UBAC2: variants seen among roughly 807,000 people sequenced by gnomAD.
UBAC2 encodes UBA domain containing 2.
A neutral mutation model predicts 44.0 loss-of-function variants in UBAC2; 26 were observed. The ratio of observed to expected loss-of-function variants is 0.59; its 90% CI spans 0.43 to 0.82. The LOEUF (loss-of-function observed/expected upper bound fraction) is 0.82. UBAC2 is among the 40% of genes least tolerant of loss of function. The pLI, the probability that UBAC2 is intolerant of heterozygous loss-of-function variation, is 0.00. For missense variants in UBAC2, 329 were observed against 419.4 expected (o/e 0.78, Z 1.88); for synonymous variants, 155 against 154.3 (o/e 1.00, Z -0.04).
chr13:99,203,753 T>C (rs996329162), intron 1 of UBAC2, among the ~76,000 whole-genome samples: 1 of 152,158 alleles, frequency 6.6e-6, no homozygotes, highest in Non-Finnish European at 1.5e-5. Context: ...AGGACCACTT[T>C]AGCATGCATG....
At chr13:99,230,782 G>T (rs570431469) in intron 1 of UBAC2, among the ~76,000 whole-genome samples, 666 of 152,228 alleles carry the variant, frequency 4.4e-3, no homozygotes, top group Non-Finnish European at 8.4e-3. Flanking sequence ...CGGTTGCAGC[G>T]GCTCACGCTT....
chr13:99,287,058 G>A (rs2044027675), intron 4 of UBAC2, among the ~76,000 whole-genome samples: 1 of 152,088 alleles, frequency 6.6e-6, no homozygotes, highest in African/African-American at 2.4e-5. Flanking sequence ...AGAGAGAATG[G>A]TATAATGACT....
chr13:99,342,677 T>G (rs1458762182), intron 7 of UBAC2, among the ~76,000 whole-genome samples: 3 of 152,206 alleles, frequency 2.0e-5, no homozygotes, highest in Non-Finnish European at 4.4e-5. Flanking sequence ...TTTTCTGTGG[T>G]GGATGCCCGT....
Position 99,308,063 on chromosome 13 carries a change from G to A in UBAC2, c.390-6034G>A, listed in dbSNP as rs147736177. On this transcript the variant is annotated intron_variant, in intron 4 of 8. Transcript: ENST00000403766. ...AGCCTCTTCAGCACAGGGTGAAAGA[G>A]ACTCATGCCATTCACCTCATAGTTG... 4 of 152,350 alleles carry A rather than the reference G, an allele frequency of 2.6e-5. No homozygotes were observed. The East Asian group carries it at 7.7e-4, about 29-fold the overall frequency. The allele number at this position is 152,350 out of a possible 1,614,324, so 9.4% of individuals were successfully genotyped here.
intron 4 of UBAC2, chr13:99,308,122 G>A (rs1385750868): frequency 6.6e-6 from 1 of 152,266 alleles, no homozygotes; most frequent in Non-Finnish European, 1.5e-5. Flanking sequence ...TAACGTGTCT[G>A]TCAGAATGCA....
intron 2 of UBAC2, among the ~76,000 whole-genome samples, chr13:99,239,150 G>T (rs1468236971): frequency 2.6e-5 from 4 of 152,162 alleles, no homozygotes; most frequent in Non-Finnish European, 4.4e-5. Flanking sequence ...TAAGCACTTG[G>T]TTAGCCCATT....
chr13:99,305,719 C>T (rs1289777076), intron 4 of UBAC2, among the ~76,000 whole-genome samples: 1 of 152,100 alleles, frequency 6.6e-6, no homozygotes, highest in Admixed American at 6.5e-5. Context: ...GTCACTAACG[C>T]GATACATAAA....
At chr13:99,244,481 A>C in intron 3 of UBAC2, 34 bp from the exon 4 acceptor site, 2 of 1,436,480 alleles carry the variant, frequency 1.4e-6, no homozygotes, top group Non-Finnish European at 2.0e-6. Context: ...TAGGAGACTC[A>C]TCTCTATCAT....
At chr13:99,276,926 G>A (rs1168926796) in intron 4 of UBAC2, among the ~76,000 whole-genome samples, 1 of 152,160 alleles carries the variant, frequency 6.6e-6, no homozygotes, top group East Asian at 1.9e-4. Context: ...TGGCTGTGCA[G>A]TGCTCTGCCT....
Position 99,367,827 on chromosome 13 carries a change from G to A in UBAC2, c.848G>A (p.Arg283His), listed in dbSNP as rs371781090. The change falls in exon 8 of 9, where the codon CGT becomes CAT. Residue 283 changes from arginine (R) to histidine (H), a missense_variant. Coordinates refer to ENST00000403766, the MANE Select transcript of UBAC2 (RefSeq NM_001144072.2). ...TGGAATCGTCTTTTTCCTCCTTTAC[G>A]TCAGCGACAAAACGTAAACTATCAG... is the stretch of plus-strand genomic sequence containing the variant. Reference protein sequence around the residue: ...INWNRLFPPLRQRQNVNYQGG... With the variant: ...INWNRLFPPLHQRQNVNYQGG... 78 of 1,613,652 alleles carry A rather than the reference G, an allele frequency of 4.8e-5. No homozygotes were observed. Among genetic ancestry groups the A allele is most frequent in the Middle Eastern group, 1.6e-4 (1 of 6,074 alleles).
At chr13:99,222,102 T>C (rs2142688257) in intron 1 of UBAC2, among the ~76,000 whole-genome samples, 1 of 152,344 alleles carries the variant, frequency 6.6e-6, no homozygotes, top group Non-Finnish European at 1.5e-5. Context: ...AGTGGTGGCA[T>C]TCTGGCTATG....
intron 2 of UBAC2, among the ~76,000 whole-genome samples, chr13:99,241,028 C>T (rs1021472362): frequency 6.6e-6 from 1 of 152,070 alleles, no homozygotes; most frequent in Non-Finnish European, 1.5e-5. Context: ...GGGAGGCCAA[C>T]GTTTGTGGAT....
chr13:99,305,759 T>C (rs1287564953), intron 4 of UBAC2, among the ~76,000 whole-genome samples: 12 of 152,180 alleles, frequency 7.9e-5, no homozygotes, highest in Admixed American at 7.8e-4. Context: ...TGGAGTAGCA[T>C]ATTCTTTGTG....
intron 8 of UBAC2, among the ~76,000 whole-genome samples, chr13:99,368,420 C>T (rs1268906773): frequency 1.3e-5 from 2 of 152,068 alleles, no homozygotes; most frequent in Non-Finnish European, 2.9e-5. Flanking sequence ...ATTTCAGTAA[C>T]GTTTGTACCG....
At chr13:99,215,679 T>C (rs2042984602) in intron 1 of UBAC2, 4 of 1,496,374 alleles carry the variant, frequency 2.7e-6, no homozygotes, top group South Asian at 2.6e-5. Context: ...CTCTGGGAAC[T>C]GCAAGCCGGC....
intron 4 of UBAC2, among the ~76,000 whole-genome samples, chr13:99,286,956 C>T (rs867977119): frequency 2.6e-5 from 4 of 152,026 alleles, no homozygotes; most frequent in Non-Finnish European, 2.9e-5. Context: ...CTGCCTCTAC[C>T]CCCGATGTAA....
intron 4 of UBAC2, among the ~76,000 whole-genome samples, chr13:99,253,250 A>G (rs1391400972): frequency 1.3e-5 from 2 of 152,074 alleles, no homozygotes; most frequent in African/African-American, 4.8e-5. Context: ...GAATGTTTAC[A>G]TTCTTTAAGC....
chr13:99,202,100 G>A (rs1294450018), intron 1 of UBAC2, among the ~76,000 whole-genome samples: 3 of 148,798 alleles, frequency 2.0e-5, no homozygotes, highest in Non-Finnish European at 4.5e-5. Flanking sequence ...AAAAAGATCT[G>A]TTGGGAATGT....
intron 6 of UBAC2, among the ~76,000 whole-genome samples, chr13:99,322,842 A>AC (rs1412506594): frequency 6.6e-6 from 1 of 152,214 alleles, no homozygotes; most frequent in Non-Finnish European, 1.5e-5. Flanking sequence ...AGATCATAGG[A>AC]CAGGGGTAGG....
Sources: allele counts gnomAD v4.1 joint callset (sites outside exome capture counted in the v4.1 genomes callset), GRCh38; gene constraint gnomAD v4.1.1; transcripts MANE v1.5; gene names NCBI Gene and HGNC (gene_info 2026-07-23, HGNC 2026-07-21).